SLC25A40: variants seen among roughly 807,000 people sequenced by gnomAD.
SLC25A40 encodes solute carrier family 25 member 40.
A neutral mutation model predicts 46.5 loss-of-function variants in SLC25A40; 41 were observed. The observed-to-expected ratio is 0.88, with a 90% CI of 0.69 to 1.14. The LOEUF (loss-of-function observed/expected upper bound fraction) is 1.14, where lower values mean the gene tolerates loss of function less well. SLC25A40 is among the 50% of genes most tolerant of loss of function. SLC25A40 has a pLI of 0.00. For missense variants in SLC25A40, 386 were observed against 393.6 expected, an observed-to-expected ratio of 0.98 and a Z score of 0.16; for synonymous variants, 126 against 127.5, an observed-to-expected ratio of 0.99 and a Z score of 0.08.
intron 8 of SLC25A40, 73 bp downstream of exon 8, chr7:87,846,876 A>G: frequency 1.5e-6 from 2 of 1,290,636 alleles, no homozygotes; most frequent in Non-Finnish European, 2.1e-6. Context: ...AGAGTTAAAA[A>G]TCTAGTGACA....
intron 1 of SLC25A40, among the ~76,000 whole-genome samples, chr7:87,863,900 C>T (rs540088990): frequency 8.3e-4 from 127 of 152,308 alleles, no homozygotes; most frequent in Admixed American, 1.6e-3. Flanking sequence ...AATCTACTAT[C>T]TTCATGAGAT....
intron 1 of SLC25A40, among the ~76,000 whole-genome samples, chr7:87,874,611 C>G (rs937231620): frequency 1.3e-5 from 2 of 152,184 alleles, no homozygotes; most frequent in African/African-American, 2.4e-5. Context: ...GATGAAGGAA[C>G]TGGTGCAGTG....
At position 87,835,623 on chromosome 7, in the gene SLC25A40, A is replaced by C. The variant is rs968508135; in HGVS notation, c.*626T>G. 6.6e-6 allele frequency: 1 copy of C among 151,544 alleles called. No individual in the cohort carries two copies. The highest frequency in any genetic ancestry group is 2.4e-5 in the African/African-American group (1 of 41,368). 9.4% of individuals were successfully genotyped at this position (151,544 alleles called of 1,614,324 possible). ...TGGCACAATGTACATCACACAAATG[A>C]TTATATTATGGTTCATAAGGAAAAC... On this transcript the variant is annotated 3_prime_UTR_variant, in exon 12 of 12. Transcript: ENST00000341119.
At chr7:87,843,632 T>C (rs1317974232) in intron 9 of SLC25A40, 122 bp downstream of exon 9, 2 of 616,546 alleles carry the variant, frequency 3.2e-6, no homozygotes, top group Non-Finnish European at 5.5e-6. Flanking sequence ...GGAAAATACT[T>C]AGACAAATTT....
chr7:87,859,893 C>G (rs1239053715), intron 2 of SLC25A40, among the ~76,000 whole-genome samples: 1 of 151,920 alleles, frequency 6.6e-6, no homozygotes, highest in Non-Finnish European at 1.5e-5. Flanking sequence ...ATGGGATAAG[C>G]TATTTTAAAA....
intron 1 of SLC25A40, among the ~76,000 whole-genome samples, chr7:87,870,688 A>G (rs1266214678): frequency 6.6e-6 from 1 of 152,208 alleles, no homozygotes; most frequent in Non-Finnish European, 1.5e-5. Context: ...AGCTTACTTC[A>G]GAGTGATGGC....
rs555113062 is a variant in SLC25A40 at position 87,857,183 on chromosome 7, G to T, written c.98-832C>A. Among the ~76,000 whole-genome samples the T allele has an allele frequency of 1.2e-4, 19 of 152,318 alleles. No individual in the cohort carries two copies. In the South Asian group the frequency reaches 3.9e-3, roughly 32 times the overall value. ...GAGAAATTTAAGAAATTCCGTTAAT[G>T]CAAAGTAAAGATTATTTGTAATTGT... On this transcript the variant is annotated intron_variant, in intron 3 of 11. Transcript: ENST00000341119.
chr7:87,856,863 T>C (rs1333377850), intron 3 of SLC25A40, among the ~76,000 whole-genome samples: 1 of 152,204 alleles, frequency 6.6e-6, no homozygotes, highest in Non-Finnish European at 1.5e-5. Context: ...AAAATAGTTT[T>C]AATATGCATG....
At chr7:87,859,542 T>A (rs1435573306) in intron 2 of SLC25A40, among the ~76,000 whole-genome samples, 1 of 152,138 alleles carries the variant, frequency 6.6e-6, no homozygotes, top group Non-Finnish European at 1.5e-5. Flanking sequence ...TACACACACA[T>A]TACATCTAAC....
intron 10 of SLC25A40, among the ~76,000 whole-genome samples, chr7:87,838,708 C>T (rs1838290833): frequency 6.6e-6 from 1 of 151,360 alleles, no homozygotes; most frequent in Non-Finnish European, 1.5e-5. Flanking sequence ...ATGTTTACCT[C>T]TAAACATATC....
At chr7:87,837,400 C>A (rs913153505) in intron 10 of SLC25A40, among the ~76,000 whole-genome samples, 9 of 151,006 alleles carry the variant, frequency 6.0e-5, no homozygotes, top group African/African-American at 1.7e-4. Flanking sequence ...AGCTCATTCT[C>A]CCTAGCAGTG....
chr7:87,847,979 T>C lies in SLC25A40; in HGVS notation c.333-2A>G. 1 of 1,598,366 alleles carries C rather than the reference T, an allele frequency of 6.3e-7. No homozygotes were observed. Among genetic ancestry groups the C allele is most frequent in the Non-Finnish European group, 8.5e-7 (1 of 1,175,470 alleles). On this transcript the variant is annotated splice_acceptor_variant, in intron 6 of 11. Transcript: ENST00000341119. LOFTEE classifies it high-confidence loss of function. Reference sequence around the variant, plus strand: ...ACTGTGGCAGGAACTGCCATCACTCTGTTAGATCACACAAAAAGATTTGTT... The same window carrying C: ...ACTGTGGCAGGAACTGCCATCACTCCGTTAGATCACACAAAAAGATTTGTT...
intron 8 of SLC25A40, among the ~76,000 whole-genome samples, chr7:87,844,296 ATTACC>A (rs1838380345): frequency 6.6e-6 from 1 of 152,164 alleles, no homozygotes; most frequent in Admixed American, 6.5e-5. Context: ...TAAATGTCAT[ATTACC>A]ATGTTAACAA....
chr7:87,871,456 T>G (rs1838894622), intron 1 of SLC25A40, among the ~76,000 whole-genome samples: 1 of 152,238 alleles, frequency 6.6e-6, no homozygotes, highest in Non-Finnish European at 1.5e-5. Context: ...TGAGAGATCC[T>G]GAGCTTGCTT....
chr7:87,848,050 ATT>A (rs1838448918), intron 6 of SLC25A40, 73 bp from the exon 7 acceptor site: 1 of 1,480,614 alleles, frequency 6.8e-7, no homozygotes, highest in Non-Finnish European at 9.0e-7. Flanking sequence ...AAATTCAAAT[ATT>A]ATTATATAAG....
chr7:87,836,007 AATCTATTTTTAC>A lies in SLC25A40; in HGVS notation c.*230_*241del, dbSNP rs1249170429. On this transcript the variant is annotated 3_prime_UTR_variant, in exon 12 of 12. Coordinates refer to ENST00000341119, the MANE Select transcript of SLC25A40 (RefSeq NM_018843.4). The stretch of plus-strand genomic sequence containing the variant: ...GAGACTGCTTTTGATGCTAAGGAGT[AATCTATTTTTAC>A]AAGAATGCTCAATGGTGGTGATTTC... The A allele has an allele frequency of 1.4e-5, 5 of 356,598 alleles. No individual in the cohort carries two copies. The East Asian group carries it at 3.1e-4, about 22-fold the overall frequency. The allele number at this position is 356,598 out of a possible 1,614,324, so 22.1% of individuals were successfully genotyped here.
intron 1 of SLC25A40, among the ~76,000 whole-genome samples, chr7:87,870,221 T>C (rs1249555422): frequency 6.6e-6 from 1 of 151,640 alleles, no homozygotes; most frequent in Non-Finnish European, 1.5e-5. Context: ...AGATGCAAAA[T>C]AGCTTATTTT....
intron 6 of SLC25A40, 143 bp downstream of exon 6, chr7:87,849,738 G>C: frequency 1.8e-6 from 1 of 552,188 alleles, no homozygotes; most frequent in Non-Finnish European, 3.1e-6. Flanking sequence ...CAAACATGTG[G>C]GTGGCTGTGA....
intron 5 of SLC25A40, among the ~76,000 whole-genome samples, chr7:87,853,969 T>A (rs1224270827): frequency 6.6e-6 from 1 of 152,162 alleles, no homozygotes; most frequent in African/African-American, 2.4e-5. Flanking sequence ...CTGTATATAT[T>A]TTTTTCATTT....
Sources: allele counts gnomAD v4.1 joint callset (sites outside exome capture counted in the v4.1 genomes callset), GRCh38; gene constraint gnomAD v4.1.1; transcripts MANE v1.5; gene names NCBI Gene and HGNC (gene_info 2026-07-23, HGNC 2026-07-21).